The following ATP8A2 variants were observed in gnomAD, a reference collection of about 807,000 sequenced individuals.
ATP8A2 encodes the protein ATPase phospholipid transporting 8A2.
A neutral mutation model predicts 165.6 loss-of-function variants in ATP8A2; 100 were observed. The ratio of observed to expected loss-of-function variants is 0.60; its 90% CI spans 0.51 to 0.71. The LOEUF (loss-of-function observed/expected upper bound fraction) is 0.71. Ranked by LOEUF, ATP8A2 falls within the 30% of genes least tolerant of loss-of-function variation. The pLI, the probability that ATP8A2 is intolerant of heterozygous loss-of-function variation, is 0.00. For missense variants in ATP8A2, 1,227 were observed against 1,479.5 expected (o/e 0.83, Z 2.80); for synonymous variants, 543 against 548.8 (o/e 0.99, Z 0.15).
At chr13:25,733,673 T>C (rs2043704171) in intron 25 of ATP8A2, among the ~76,000 whole-genome samples, 1 of 152,202 alleles carries the variant, frequency 6.6e-6, no homozygotes, top group Admixed American at 6.5e-5. Flanking sequence ...GCAGGTGGTA[T>C]ACAGAAGTTG....
At chr13:25,860,899 A>G in intron 32 of ATP8A2, 39 bp downstream of exon 32, 2 of 1,351,488 alleles carry the variant, frequency 1.5e-6, no homozygotes, top group Non-Finnish European at 2.1e-6. Context: ...TTCAGTATAG[A>G]TATTTTTCAT....
At chr13:25,389,513 A>G (rs550732249) in intron 1 of ATP8A2, among the ~76,000 whole-genome samples, 65 of 152,374 alleles carry the variant, frequency 4.3e-4, no homozygotes, top group African/African-American at 1.5e-3. Context: ...AGGGTGAAAT[A>G]TACGAGTGGT....
At chr13:26,002,973 T>A (rs1033463136) in intron 35 of ATP8A2, among the ~76,000 whole-genome samples, 7 of 151,342 alleles carry the variant, frequency 4.6e-5, no homozygotes, top group African/African-American at 1.7e-4. Context: ...TTATGAATAA[T>A]GCTGGAGTGA....
chr13:25,497,231 C>T (rs1566186004), intron 2 of ATP8A2, among the ~76,000 whole-genome samples: 2 of 152,110 alleles, frequency 1.3e-5, no homozygotes, highest in South Asian at 2.1e-4. Context: ...TGATTAAAGT[C>T]GTGAAAGGAG....
intron 32 of ATP8A2, among the ~76,000 whole-genome samples, chr13:25,861,919 T>A (rs1952365518): frequency 6.6e-6 from 1 of 152,198 alleles, no homozygotes; most frequent in Admixed American, 6.5e-5. Flanking sequence ...TAAAAACATC[T>A]TATTTATTTT....
chr13:25,465,662 G>GTTTTCTTTCTTTCT (rs2035615082), intron 1 of ATP8A2, among the ~76,000 whole-genome samples: 5 of 82,042 alleles, frequency 6.1e-5, no homozygotes, highest in African/African-American at 1.8e-4. Flanking sequence ...ATCTTGCAGA[G>GTTTTCTTTCTTTCT]TTTTCTTTCT....
Position 25,542,026 on chromosome 13 carries a change from CTT to C in ATP8A2, c.760_761del (p.Leu254GlufsTer13), listed in dbSNP as rs1481444373. ...NRHLYDFTGNLNLDGKSLVAL... is the reference protein window; with the variant it reads ...NRHLYDFTGNXNLDGKSLVAL... Reference sequence around the variant, plus strand: ...GCCACCTCTATGACTTCACTGGAAACTTGAACTTAGATGGGAAAAGGTATTAT... The same window carrying C: ...GCCACCTCTATGACTTCACTGGAAACGAACTTAGATGGGAAAAGGTATTAT... On this transcript the variant is annotated frameshift_variant, in exon 9 of 37. Transcript: ENST00000381655. LOFTEE classifies it high-confidence loss of function. The C allele has an allele frequency of 6.2e-7, 1 of 1,614,010 alleles. No individual in the cohort carries two copies. The highest frequency in any genetic ancestry group is 1.7e-5 in the Admixed American group (1 of 60,008).
chr13:25,980,536 G>A (rs2139254246), intron 35 of ATP8A2, among the ~76,000 whole-genome samples: 1 of 152,236 alleles, frequency 6.6e-6, no homozygotes, highest in East Asian at 1.9e-4. Flanking sequence ...GAGGCAGCAG[G>A]AGCCAGATCA....
Position 25,594,788 on chromosome 13 carries a change from A to G in ATP8A2, c.2211+5089A>G, listed in dbSNP as rs2040189038. ...AAAACAGTGTGGAGTGTCCTTAAAG[A>G]ACTAAAAGTAGAACTACCATTTGAT... On this transcript the variant is annotated intron_variant, in intron 24 of 36. Coordinates refer to ENST00000381655, the MANE Select transcript of ATP8A2 (RefSeq NM_016529.6). Among the ~76,000 whole-genome samples the G allele has an allele frequency of 2.0e-5, 3 of 152,286 alleles. No homozygotes were observed. The South Asian group carries it at 6.2e-4, about 32-fold the overall frequency.
At chr13:25,691,130 T>A (rs1235392055) in intron 24 of ATP8A2, among the ~76,000 whole-genome samples, 2 of 152,122 alleles carry the variant, frequency 1.3e-5, no homozygotes, top group East Asian at 3.9e-4. Context: ...TATATAACAT[T>A]CTAGAAGAGG....
intron 24 of ATP8A2, among the ~76,000 whole-genome samples, chr13:25,643,742 G>GTTTTGTT (rs1566007794): frequency 7.1e-6 from 1 of 140,046 alleles, no homozygotes; most frequent in African/African-American, 2.6e-5. Flanking sequence ...GTTTTGTTTT[G>GTTTTGTT]TTTTTTTTTT....
intron 27 of ATP8A2, among the ~76,000 whole-genome samples, chr13:25,792,878 C>T (rs979074626): frequency 6.7e-6 from 1 of 150,084 alleles, no homozygotes; most frequent in Non-Finnish European, 1.5e-5. Flanking sequence ...GAGCTATGAT[C>T]ACAGCACAAC....
chr13:25,805,531 A>G (rs1343872603), intron 27 of ATP8A2, among the ~76,000 whole-genome samples: 1 of 152,154 alleles, frequency 6.6e-6, no homozygotes, highest in African/African-American at 2.4e-5. Flanking sequence ...AAAAAGAAAA[A>G]GAGTAACAAA....
Position 25,372,398 on chromosome 13 carries a change from G to A in ATP8A2, c.76+110G>A. On this transcript the variant is annotated intron_variant, in intron 1 of 36. Coordinates refer to ENST00000381655, the MANE Select transcript of ATP8A2 (RefSeq NM_016529.6). This position sits in a 1 kb window ranked among gnomAD's most constrained non-coding sequence, Gnocchi z 4.8. ...CGCCCGCGCCCCGCTCCCCTCCCTG[G>A]GCTCCCTGGGCTCTCTGGGCTGCAG... is the stretch of plus-strand genomic sequence containing the variant. The A allele has an allele frequency of 1.3e-6, 1 of 749,564 alleles. No homozygotes were observed. Among genetic ancestry groups the A allele is most frequent in the Non-Finnish European group, 1.9e-6 (1 of 537,978 alleles). 46.4% of individuals were successfully genotyped at this position (749,564 alleles called of 1,614,324 possible).
At chr13:25,529,555 G>A (rs2037963133) in intron 2 of ATP8A2, among the ~76,000 whole-genome samples, 1 of 152,166 alleles carries the variant, frequency 6.6e-6, no homozygotes, top group Admixed American at 6.6e-5. Flanking sequence ...GATGTCCTAG[G>A]TGGAAGCAAA....
intron 16 of ATP8A2, chr13:25,567,251 G>C: frequency 4.4e-6 from 2 of 454,868 alleles, no homozygotes; most frequent in South Asian, 3.1e-5. Context: ...CTCTTCTTGA[G>C]CCTGTCCTCT....
chr13:25,644,307 C>T (rs61947274), intron 24 of ATP8A2, among the ~76,000 whole-genome samples: 1 of 152,084 alleles, frequency 6.6e-6, no homozygotes, highest in Non-Finnish European at 1.5e-5. Context: ...GCTTTTCCTA[C>T]GTCTAATGAG....
At chr13:25,995,571 G>C (rs1956482461) in intron 35 of ATP8A2, among the ~76,000 whole-genome samples, 1 of 151,534 alleles carries the variant, frequency 6.6e-6, no homozygotes, top group Non-Finnish European at 1.5e-5. Flanking sequence ...TTGGAAGTGT[G>C]TTATTAATTT....
chr13:25,776,907 T>G (rs889632194), intron 27 of ATP8A2, among the ~76,000 whole-genome samples: 4 of 152,108 alleles, frequency 2.6e-5, no homozygotes, highest in African/African-American at 9.7e-5. Context: ...GCTCCCAATC[T>G]TTCACTTTTC....
Sources: gnomAD v4.1 joint callset for allele counts (sites outside exome capture counted in the v4.1 genomes callset) on GRCh38, gnomAD v4.1.1 for gene constraint, Gnocchi (gnomAD v3.1) non-coding constraint, MANE v1.5 for transcripts, NCBI Gene and HGNC (gene_info 2026-07-23, HGNC 2026-07-21) for gene names.